The following ATP2B2 variants were observed in gnomAD, a reference collection of about 807,000 sequenced individuals.
The protein encoded by ATP2B2 is plasma membrane calcium-transporting ATPase 2.
Under a neutral mutation model 120.0 loss-of-function variants are expected in ATP2B2, and 15 were observed. The ratio of observed to expected loss-of-function variants is 0.12; its 90% CI spans 0.08 to 0.19. The LOEUF (loss-of-function observed/expected upper bound fraction) is 0.19. ATP2B2 is among the 10% of genes least tolerant of loss of function. The pLI, the probability that ATP2B2 is intolerant of heterozygous loss-of-function variation, is 1.00. For synonymous variants in ATP2B2, 694 were observed against 700.3 expected (o/e 0.99, Z 0.14); for missense variants, 1,045 against 1,719.8 (o/e 0.61, Z 6.94).
chr3:10,455,749 G>A (rs1288807290), intron 1 of ATP2B2, among the ~76,000 whole-genome samples: 1 of 152,156 alleles, frequency 6.6e-6, no homozygotes, highest in Non-Finnish European at 1.5e-5. Flanking sequence ...ACACACTAGG[G>A]GTCACACAGC....
chr3:10,493,764 T>C (rs1355150402), intron 1 of ATP2B2, among the ~76,000 whole-genome samples: 1 of 151,900 alleles, frequency 6.6e-6, no homozygotes, highest in Non-Finnish European at 1.5e-5. Context: ...CAAAACACAC[T>C]GGCTGGAGAT....
chr3:10,517,986 C>T (rs543470933), intron 3 of ATP2B2, among the ~76,000 whole-genome samples: 1 of 151,016 alleles, frequency 6.6e-6, no homozygotes, highest in Admixed American at 6.6e-5. Flanking sequence ...GAGCACATTT[C>T]ACCTTTGCCA....
chr3:10,415,785 G>T (rs1388706767), intron 2 of ATP2B2, among the ~76,000 whole-genome samples: 1 of 152,340 alleles, frequency 6.6e-6, no homozygotes, highest in South Asian at 2.1e-4. Context: ...AAAGATTACC[G>T]GACAAAGGCA....
chr3:10,354,803 G>T (rs2060667875), intron 14 of ATP2B2, among the ~76,000 whole-genome samples: 1 of 152,224 alleles, frequency 6.6e-6, no homozygotes. Flanking sequence ...TGTGTCTGCA[G>T]GACCCTAGAG....
intron 1 of ATP2B2, among the ~76,000 whole-genome samples, chr3:10,692,351 C>T (rs1052255339): frequency 1.4e-4 from 22 of 152,290 alleles, no homozygotes; most frequent in African/African-American, 4.3e-4. Context: ...GCTTTGTGGG[C>T]GCCGAGGCTT....
chr3:10,582,540 A>G (rs1024555649), intron 2 of ATP2B2, among the ~76,000 whole-genome samples: 1 of 152,240 alleles, frequency 6.6e-6, no homozygotes, highest in African/African-American at 2.4e-5. Flanking sequence ...AGAAAATTAA[A>G]TAAGTGGGGT....
At chr3:10,652,314 C>G (rs1309672637) in intron 1 of ATP2B2, among the ~76,000 whole-genome samples, 1 of 152,178 alleles carries the variant, frequency 6.6e-6, no homozygotes, top group African/African-American at 2.4e-5. Context: ...AGTCCACCAC[C>G]CTTCCCTAGC....
Position 10,338,036 on chromosome 3 carries a change from G to A in ATP2B2, c.3420+140C>T, listed in dbSNP as rs1017033934. 7 of 1,077,086 alleles carry A rather than the reference G, an allele frequency of 6.5e-6. No homozygotes were observed. The Admixed American group carries it at 1.1e-4, about 18-fold the overall frequency. The allele number at this position is 1,077,086 out of a possible 1,614,324, so 66.7% of individuals were successfully genotyped here. ...AGGAGTGGGTGTGCAAGTGGCTGGT[G>A]AGAGCTGGCCGGGACCCCTCTGTAG... On this transcript the variant is annotated intron_variant, in intron 22 of 22. Coordinates refer to ENST00000360273, the MANE Select transcript of ATP2B2 (RefSeq NM_001001331.4).
chr3:10,570,667 A>C (rs1010414005), intron 2 of ATP2B2, among the ~76,000 whole-genome samples: 1 of 152,194 alleles, frequency 6.6e-6, no homozygotes, highest in Non-Finnish European at 1.5e-5. Context: ...CTTGGTGGAG[A>C]GAGTTACATG....
intron 2 of ATP2B2, among the ~76,000 whole-genome samples, chr3:10,549,851 C>T (rs2067631024): frequency 6.6e-6 from 1 of 152,178 alleles, no homozygotes; most frequent in South Asian, 2.1e-4. Flanking sequence ...TGAACAATGG[C>T]CAGCACAGGG....
At position 10,358,556 on chromosome 3, in the gene ATP2B2, C is replaced by G. The variant is rs1286085658; in HGVS notation, c.2136+135G>C. The G allele has an allele frequency of 8.9e-6, 8 of 898,474 alleles. No homozygotes were observed. In the East Asian group the frequency reaches 2.1e-4, roughly 24 times the overall value. The allele number at this position is 898,474 out of a possible 1,614,324, so 55.7% of individuals were successfully genotyped here. A position where few individuals can be genotyped will look rare whatever the true frequency, so the allele number is the denominator to read the frequency against. On this transcript the variant is annotated intron_variant, in intron 14 of 22. Transcript: ENST00000360273. ...TCATGGGCAATCCTCTTATGAGGATCAAGGAAGGAAATCCCCATGGGCATT... is the reference window on the plus strand; with the variant it reads ...TCATGGGCAATCCTCTTATGAGGATGAAGGAAGGAAATCCCCATGGGCATT...
At chr3:10,411,886 G>C (rs557802095) in intron 2 of ATP2B2, among the ~76,000 whole-genome samples, 39 of 152,270 alleles carry the variant, frequency 2.6e-4, no homozygotes, top group Admixed American at 5.2e-4. Context: ...TGTGGGGACC[G>C]GACAGAGTGG....
At chr3:10,701,156 G>T (rs2125719926) in intron 1 of ATP2B2, among the ~76,000 whole-genome samples, 1 of 152,298 alleles carries the variant, frequency 6.6e-6, no homozygotes, top group Middle Eastern at 3.4e-3. Flanking sequence ...GCACTGATTT[G>T]CTGAGAGAGT....
At chr3:10,503,318 C>T (rs903965812) in intron 1 of ATP2B2, among the ~76,000 whole-genome samples, 6 of 152,208 alleles carry the variant, frequency 3.9e-5, no homozygotes, top group East Asian at 1.9e-4. Context: ...GGGCTCCTGG[C>T]GGTCTGGGCC....
chr3:10,463,797 C>G (rs961455426), intron 1 of ATP2B2, among the ~76,000 whole-genome samples: 5 of 152,226 alleles, frequency 3.3e-5, no homozygotes, highest in African/African-American at 7.2e-5. Context: ...TATGGTCCAG[C>G]CTTTGTACTT....
At position 10,705,989 on chromosome 3, in the gene ATP2B2, A is replaced by G. The variant is rs2071890460; in HGVS notation, c.-460+1926T>C. On this transcript the variant is annotated intron_variant, in intron 1 of 21. Transcript: ENST00000646379. Reference sequence around the variant, plus strand: ...TTATTTAGTAATATGCCTCTGGCACATCAAACAGTGCTGAGCACATATTAG... The same window carrying G: ...TTATTTAGTAATATGCCTCTGGCACGTCAAACAGTGCTGAGCACATATTAG... Among the ~76,000 whole-genome samples, 4 of 152,260 alleles carry G rather than the reference A, an allele frequency of 2.6e-5. No homozygotes were observed. The South Asian group carries it at 8.3e-4, about 31-fold the overall frequency.
At chr3:10,548,986 T>G (rs751856560) in intron 2 of ATP2B2, among the ~76,000 whole-genome samples, 2 of 152,162 alleles carry the variant, frequency 1.3e-5, no homozygotes, top group Non-Finnish European at 1.5e-5. Flanking sequence ...GTCCATTCAT[T>G]TATTCAAAGA....
intron 2 of ATP2B2, among the ~76,000 whole-genome samples, chr3:10,426,761 G>A (rs2063157973): frequency 6.6e-6 from 1 of 152,068 alleles, no homozygotes; most frequent in Non-Finnish European, 1.5e-5. Context: ...CTGTGACAGT[G>A]GCTCCTCCCT....
chr3:10,592,591 G>T (rs2068670081), intron 2 of ATP2B2, among the ~76,000 whole-genome samples: 1 of 152,174 alleles, frequency 6.6e-6, no homozygotes, highest in Non-Finnish European at 1.5e-5. Context: ...CCAGGGCCTT[G>T]TCCCTTCTAA....
Sources: allele counts gnomAD v4.1 joint callset (sites outside exome capture counted in the v4.1 genomes callset), GRCh38; gene constraint gnomAD v4.1.1; transcripts MANE v1.5; gene names NCBI Gene and HGNC (gene_info 2026-07-23, HGNC 2026-07-21).